HACE1: variants seen among roughly 807,000 people sequenced by gnomAD.
HACE1 encodes HECT domain and ankyrin repeat containing E3 ubiquitin protein ligase 1, also known as E3 ubiquitin-protein ligase HACE1.
A neutral mutation model predicts 118.4 loss-of-function variants in HACE1; 73 were observed. The ratio of observed to expected loss-of-function variants is 0.62; its 90% confidence interval spans 0.51 to 0.75. The LOEUF is 0.75. Among genes scored for constraint, HACE1 ranks in the 30% least tolerant of loss-of-function variants. The probability of loss-of-function intolerance (pLI) is 0.00; values close to 1 mark genes in which losing one functional copy is unlikely to be tolerated. For synonymous variants in HACE1, 368 were observed against 374.8 expected (o/e 0.98, Z 0.21); for missense variants, 749 against 1,102.2 (o/e 0.68, Z 4.54).
chr6:104,767,990 T>C (rs1342990595), intron 19 of HACE1, among the ~76,000 whole-genome samples: 1 of 152,272 alleles, frequency 6.6e-6, no homozygotes, highest in East Asian at 1.9e-4. Flanking sequence ...CAATTCTAAA[T>C]GCTAGAACTG....
intron 19 of HACE1, among the ~76,000 whole-genome samples, chr6:104,765,196 T>C (rs893949925): frequency 2.3e-4 from 35 of 152,190 alleles, no homozygotes; most frequent in African/African-American, 8.4e-4. Flanking sequence ...TGTTAGGGAA[T>C]AACAAAGTCT....
At position 104,744,228 on chromosome 6, in the gene HACE1, C is replaced by G. The variant is rs1220841485; in HGVS notation, c.2445G>C (p.Trp815Cys). The change falls in exon 22 of 24, where the codon TGG (tryptophan) becomes TGC (cysteine). Residue 815 changes from tryptophan (W) to cysteine (C), a missense_variant and splice_region_variant. Coordinates refer to ENST00000262903, the MANE Select transcript of HACE1 (RefSeq NM_020771.4). ...TAATGTCTTCTACAACTTCCCAGAA[C>G]CACTAACAACAAGAACAAAAAACTT... Reference protein sequence around the residue: ...GYEREDPVIQWFWEVVEDITQ... With the variant: ...GYEREDPVIQCFWEVVEDITQ... The G allele has an allele frequency of 6.3e-7, 1 of 1,583,128 alleles. No homozygotes were observed. The highest frequency in any genetic ancestry group is 8.6e-7 in the Non-Finnish European group (1 of 1,160,494).
intron 17 of HACE1, 71 bp downstream of exon 17, chr6:104,776,670 A>T: frequency 1.1e-6 from 1 of 934,120 alleles, no homozygotes; most frequent in Non-Finnish European, 1.8e-6. Context: ...GAAATCAAAA[A>T]TAAAATGTAC....
At chr6:104,737,693 G>A (rs147590645) in intron 22 of HACE1, among the ~76,000 whole-genome samples, 16,513 of 152,106 alleles carry the variant, frequency 0.11, 953 homozygotes, top group Admixed American at 0.15. Flanking sequence ...ACGGAGTCTC[G>A]CTGATTGCTA....
At chr6:104,764,066 A>C (rs1779699780) in intron 19 of HACE1, among the ~76,000 whole-genome samples, 1 of 151,876 alleles carries the variant, frequency 6.6e-6, no homozygotes, top group Non-Finnish European at 1.5e-5. Context: ...AACAAAAAAA[A>C]AGTACTGCAC....
At position 104,771,280 on chromosome 6, in the gene HACE1, A is replaced by G; in HGVS notation, c.2124T>C (p.Phe708=). The change falls in exon 19 of 24, where the codon TTT becomes TTC. Residue 708 remains phenylalanine (F), a synonymous_variant. Coordinates refer to ENST00000262903, the MANE Select transcript of HACE1 (RefSeq NM_020771.4). The part of the protein sequence containing the change: ...DISDLGLELT[F]SVETDVFGAM... ...CTCCAAACACATCAGTCTCAACAGA[A>G]AAAGTTAGTTCTAGACCCAGATCAC... 6.2e-7 allele frequency: 1 copy of G among 1,613,508 alleles called. No individual in the cohort carries two copies. Among genetic ancestry groups the G allele is most frequent in the Non-Finnish European group, 8.5e-7 (1 of 1,179,436 alleles).
chr6:104,821,744 T>C (rs769858994), intron 6 of HACE1, among the ~76,000 whole-genome samples: 3 of 152,170 alleles, frequency 2.0e-5, no homozygotes, highest in Non-Finnish European at 4.4e-5. Flanking sequence ...ATTCTATTTA[T>C]CAAAAAGTAG....
intron 14 of HACE1, among the ~76,000 whole-genome samples, chr6:104,782,700 T>G (rs1335847151): frequency 6.6e-6 from 1 of 152,206 alleles, no homozygotes; most frequent in African/African-American, 2.4e-5. Context: ...TCAGTAAATG[T>G]AAGTCATTAT....
At chr6:104,734,436 T>G (rs543365404) in intron 22 of HACE1, among the ~76,000 whole-genome samples, 1 of 152,086 alleles carries the variant, frequency 6.6e-6, no homozygotes, top group South Asian at 2.1e-4. Flanking sequence ...GAAAAAAAAT[T>G]TATACTTTTG....
intron 19 of HACE1, among the ~76,000 whole-genome samples, chr6:104,757,147 C>T (rs1014228337): frequency 5.9e-5 from 9 of 152,200 alleles, no homozygotes; most frequent in African/African-American, 1.7e-4. Flanking sequence ...CGTACCTGAA[C>T]AAAAGGCAGC....
chr6:104,756,361 G>A (rs1345616568), intron 19 of HACE1, among the ~76,000 whole-genome samples: 2 of 145,430 alleles, frequency 1.4e-5, no homozygotes, highest in African/African-American at 2.5e-5. Flanking sequence ...GCAGTGAGCT[G>A]AGATCACACC....
chr6:104,844,196 C>T (rs1342724376), intron 4 of HACE1, among the ~76,000 whole-genome samples: 1 of 151,320 alleles, frequency 6.6e-6, no homozygotes, highest in East Asian at 2.0e-4. Context: ...TGCCACCATG[C>T]CCAGCTAATT....
chr6:104,781,789 T>C (rs544666334), intron 14 of HACE1, among the ~76,000 whole-genome samples: 20 of 152,116 alleles, frequency 1.3e-4, no homozygotes, highest in African/African-American at 4.8e-4. Context: ...GACCCTCTTC[T>C]ACACAGACAC....
chr6:104,781,255 T>G (rs950727482), intron 14 of HACE1, among the ~76,000 whole-genome samples: 6 of 152,208 alleles, frequency 3.9e-5, no homozygotes, highest in African/African-American at 1.4e-4. Context: ...ATTTTGATGC[T>G]CAAATTCTTC....
intron 22 of HACE1, among the ~76,000 whole-genome samples, chr6:104,743,197 G>T (rs9499943): frequency 0.022 from 3,354 of 149,208 alleles, 143 homozygotes; most frequent in African/African-American, 0.079. Flanking sequence ...AGCATTGGGA[G>T]ATATACCTAA....
At chr6:104,780,833 C>G (rs1781656679) in intron 14 of HACE1, among the ~76,000 whole-genome samples, 1 of 152,162 alleles carries the variant, frequency 6.6e-6, no homozygotes, top group Admixed American at 6.6e-5. Context: ...GTCTCCTTCA[C>G]TCTGGTACAT....
At chr6:104,752,089 C>T (rs1472579471) in intron 19 of HACE1, among the ~76,000 whole-genome samples, 3 of 152,108 alleles carry the variant, frequency 2.0e-5, no homozygotes, top group Admixed American at 6.6e-5. Flanking sequence ...ACAGCTCTCC[C>T]GAAACCCTGT....
At chr6:104,849,317 A>G in intron 3 of HACE1, 71 bp from the exon 4 acceptor site, 1 of 940,666 alleles carries the variant, frequency 1.1e-6, no homozygotes, top group Non-Finnish European at 1.8e-6. Context: ...TCAATTAAAA[A>G]ACAAAATATT....
intron 7 of HACE1, among the ~76,000 whole-genome samples, chr6:104,809,518 T>G (rs572889900): frequency 3.8e-4 from 58 of 152,206 alleles, no homozygotes; most frequent in African/African-American, 1.3e-3. Context: ...GTGGTTCAAG[T>G]ACAGTGAGCT....
Sources: gnomAD v4.1 joint callset for allele counts (sites outside exome capture counted in the v4.1 genomes callset) on GRCh38, gnomAD v4.1.1 for gene constraint, MANE v1.5 for transcripts, NCBI Gene and HGNC (gene_info 2026-07-23, HGNC 2026-07-21) for gene names.